The following CREM variants were observed in gnomAD, a reference collection of about 807,000 sequenced individuals.
The protein encoded by CREM is cAMP responsive element modulator, also known as cAMP-responsive element modulator.
Under a neutral mutation model 37.3 loss-of-function variants are expected in CREM, and 13 were observed. The observed-to-expected ratio is 0.35, with a 90% confidence interval of 0.23 to 0.55. The LOEUF is 0.55. CREM is among the 20% of genes least tolerant of loss of function. CREM has a pLI of 0.88. For missense variants in CREM, 296 were observed against 362.3 expected, an observed-to-expected ratio of 0.82 and a Z score of 1.49; for synonymous variants, 124 against 120.2, an observed-to-expected ratio of 1.03 and a Z score of -0.21.
intron 3 of CREM, among the ~76,000 whole-genome samples, chr10:35,164,805 T>C (rs1302434841): frequency 1.3e-5 from 2 of 152,150 alleles, no homozygotes; most frequent in Non-Finnish European, 2.9e-5. Flanking sequence ...ATCCCAGCAC[T>C]TTGGGAGCCT....
chr10:35,165,390 C>T (rs1042287267), intron 3 of CREM, among the ~76,000 whole-genome samples: 1 of 152,160 alleles, frequency 6.6e-6, no homozygotes, highest in African/African-American at 2.4e-5. Flanking sequence ...CCACCTCCAA[C>T]ATTGAGGATT....
At chr10:35,174,027 TG>T (rs1415035198) in intron 3 of CREM, among the ~76,000 whole-genome samples, 10 of 152,326 alleles carry the variant, frequency 6.6e-5, no homozygotes, top group African/African-American at 2.2e-4. Context: ...AACTTGCAGT[TG>T]TTAAATCTAC....
At chr10:35,149,214 A>G (rs2092394858) in intron 3 of CREM, among the ~76,000 whole-genome samples, 2 of 152,176 alleles carry the variant, frequency 1.3e-5, no homozygotes. Context: ...AGTGCTTTAT[A>G]TATCTCCTTT....
chr10:35,189,787 A>T (rs778459388), intron 6 of CREM, among the ~76,000 whole-genome samples: 1 of 152,226 alleles, frequency 6.6e-6, no homozygotes, highest in Non-Finnish European at 1.5e-5. Flanking sequence ...AAGTGCTGGG[A>T]TTACAGGCAG....
chr10:35,132,496 C>T (rs1453556200), intron 1 of CREM, among the ~76,000 whole-genome samples: 4 of 152,006 alleles, frequency 2.6e-5, no homozygotes, highest in African/African-American at 7.2e-5. Context: ...TTGGAGTAGC[C>T]GTGAATCTAT....
intron 6 of CREM, among the ~76,000 whole-genome samples, chr10:35,188,716 A>G (rs1055309853): frequency 6.6e-6 from 1 of 150,696 alleles, no homozygotes; most frequent in Non-Finnish European, 1.5e-5. Flanking sequence ...CTGGAGTACA[A>G]TGGCGTGATC....
chr10:35,167,571 A>G, intron 3 of CREM: 2 of 686,356 alleles, frequency 2.9e-6, no homozygotes, highest in African/African-American at 1.8e-5. Flanking sequence ...ACTAGGTGCT[A>G]ATCAAATGCT....
chr10:35,170,857 T>G (rs1039255467), intron 3 of CREM, among the ~76,000 whole-genome samples: 3 of 152,182 alleles, frequency 2.0e-5, no homozygotes, highest in Non-Finnish European at 4.4e-5. Flanking sequence ...CGCTCTTGCT[T>G]ATAAGTTTTG....
At chr10:35,174,312 C>T (rs566011341) in intron 3 of CREM, among the ~76,000 whole-genome samples, 27 of 152,260 alleles carry the variant, frequency 1.8e-4, no homozygotes, top group African/African-American at 5.5e-4. Context: ...TGGAGCAATT[C>T]GTTCTGTACT....
chr10:35,137,875 C>A lies in CREM; in HGVS notation c.40C>A (p.Pro14Thr). ...AAGGAAAAAATATATTAAGACAAAT[C>A]CAAGGTAGGTAGATGTACGTTTTTC... The part of the protein sequence containing the change: ...CARKKYIKTN[P>T]RQMTMETVES... The change falls in exon 2 of 8, where the codon CCA becomes ACA. Residue 14 changes from proline to threonine, a missense_variant. Around this residue, in one of 2 missense-constraint regions of CREM, gnomAD observed 257 missense variants for 280.2 expected, o/e 0.92. Coordinates refer to ENST00000685392, the MANE Select transcript of CREM (RefSeq NM_183011.2). 1 of 1,586,418 alleles carries A rather than the reference C, an allele frequency of 6.3e-7. No homozygotes were observed. Among genetic ancestry groups the A allele is most frequent in the Non-Finnish European group, 8.6e-7 (1 of 1,165,920 alleles).
chr10:35,209,293 A>G (rs1042843534), intron 7 of CREM: 3 of 985,138 alleles, frequency 3.0e-6, no homozygotes, highest in East Asian at 2.3e-4. Context: ...ATCCAGCAAC[A>G]GTTTTTATTT....
chr10:35,189,181 T>TG (rs2094795515), intron 6 of CREM, among the ~76,000 whole-genome samples: 1 of 148,188 alleles, frequency 6.7e-6, no homozygotes, highest in Admixed American at 6.7e-5. Context: ...TTTTTTGTTT[T>TG]TTTTTGTTTG....
At chr10:35,208,751 G>C (rs2095597571) in intron 7 of CREM, among the ~76,000 whole-genome samples, 1 of 152,172 alleles carries the variant, frequency 6.6e-6, no homozygotes, top group Admixed American at 6.6e-5. Flanking sequence ...ACCTTTCCTG[G>C]AAGATCCTCC....
At chr10:35,178,765 A>G (rs1049499591) in intron 3 of CREM, 124 bp from the exon 4 acceptor site, 4 of 651,228 alleles carry the variant, frequency 6.1e-6, no homozygotes, top group Non-Finnish European at 1.0e-5. Context: ...ACTGTGTTCT[A>G]TTGCTCAGTT....
chr10:35,164,856 C>G (rs1459708168), intron 3 of CREM, among the ~76,000 whole-genome samples: 1 of 152,022 alleles, frequency 6.6e-6, no homozygotes, highest in Non-Finnish European at 1.5e-5. Context: ...TCGAGACGAG[C>G]CTGGCCAACA....
intron 2 of CREM, among the ~76,000 whole-genome samples, chr10:35,145,744 C>G (rs1030416793): frequency 1.4e-5 from 2 of 138,882 alleles, no homozygotes; most frequent in Non-Finnish European, 3.0e-5. Flanking sequence ...CCTCTGCACT[C>G]CAGCCTGGGT....
intron 3 of CREM, among the ~76,000 whole-genome samples, chr10:35,161,314 C>T (rs1002204518): frequency 6.6e-6 from 1 of 151,456 alleles, no homozygotes; most frequent in Non-Finnish European, 1.5e-5. Context: ...TTTGTATTTT[C>T]AGTACAAAAT....
intron 1 of CREM, among the ~76,000 whole-genome samples, chr10:35,135,738 AAAAAAGAG>A (rs760549471): frequency 0.1 from 13,696 of 133,838 alleles, 922 homozygotes; most frequent in South Asian, 0.18. Context: ...AAAAAAAAAA[AAAAAAGAG>A]AGACATTAAA....
At chr10:35,134,086 G>A (rs994092211) in intron 1 of CREM, among the ~76,000 whole-genome samples, 6 of 141,432 alleles carry the variant, frequency 4.2e-5, no homozygotes, top group African/African-American at 1.6e-4. Context: ...CAGCTCTGTT[G>A]CCCTGGCTGG....
Sources: allele counts gnomAD v4.1 joint callset (sites outside exome capture counted in the v4.1 genomes callset), GRCh38; gene constraint gnomAD v4.1.1; regional missense constraint gnomAD v4.1.1; transcripts MANE v1.5; gene names NCBI Gene and HGNC (gene_info 2026-07-23, HGNC 2026-07-21).